ATAD2B: variants seen among roughly 807,000 people sequenced by gnomAD.
ATAD2B encodes ATPase family AAA domain containing 2B, also known as ATPase family AAA domain-containing protein 2B.
Under a neutral mutation model 167.6 loss-of-function variants are expected in ATAD2B, and 40 were observed. That is an observed-to-expected ratio of 0.24 (90% CI 0.19 to 0.31). The LOEUF is 0.31. ATAD2B is among the 10% of genes least tolerant of loss of function. The probability of loss-of-function intolerance (pLI) is 1.00; values close to 1 mark genes in which losing one functional copy is unlikely to be tolerated. For synonymous variants in ATAD2B, 579 were observed against 596.5 expected, an observed-to-expected ratio of 0.97 and a Z score of 0.43; for missense variants, 1,242 against 1,757.2, an observed-to-expected ratio of 0.71 and a Z score of 5.24.
chr2:23,785,824 A>G, intron 21 of ATAD2B: 1 of 475,560 alleles, frequency 2.1e-6, no homozygotes, highest in East Asian at 3.3e-5. Context: ...TTAAGAGGCC[A>G]ATATAAATTG....
At chr2:23,779,744 A>G (rs1436737457) in intron 22 of ATAD2B, among the ~76,000 whole-genome samples, 2 of 152,196 alleles carry the variant, frequency 1.3e-5, no homozygotes, top group Non-Finnish European at 2.9e-5. Context: ...TTGGAGAAAT[A>G]TATTAATTAA....
At chr2:23,774,795 G>A (rs1678830268) in intron 22 of ATAD2B, among the ~76,000 whole-genome samples, 1 of 152,202 alleles carries the variant, frequency 6.6e-6, no homozygotes. Flanking sequence ...AGCTACTCAG[G>A]AGGCTGAGGC....
At position 23,749,622 on chromosome 2, in the gene ATAD2B, G is replaced by A. The variant is rs1675141104; in HGVS notation, c.*2424C>T. On this transcript the variant is annotated 3_prime_UTR_variant, in exon 28 of 28. Coordinates refer to ENST00000238789, the MANE Select transcript of ATAD2B (RefSeq NM_017552.4). ...ATTTCAGCTCATTGTTCTCCCCTTG[G>A]CATTAGATTGACTTTCTCTTTAAGA... is the stretch of plus-strand genomic sequence containing the variant. The A allele has an allele frequency of 6.6e-6, 1 of 151,890 alleles. No individual in the cohort carries two copies. The highest frequency in any genetic ancestry group is 1.5e-5 in the Non-Finnish European group (1 of 67,950). The allele number at this position is 151,890 out of a possible 1,614,324, so 9.4% of individuals were successfully genotyped here. A position where few individuals can be genotyped will look rare whatever the true frequency, so the allele number is the denominator to read the frequency against.
the ATAD2B span, chr2:23,696,152 G>A: frequency 1.2e-4 from 181 of 1,547,514 alleles, 2 homozygotes; most frequent in Non-Finnish European, 3.5e-6. The surrounding 1 kb of genome is among the most constrained non-coding windows in gnomAD (Gnocchi z 5.5). Flanking sequence ...CCCCGGGGTT[G>A]GGGCGGGACC....
chr2:23,869,838 T>A, intron 8 of ATAD2B, 77 bp from the exon 9 acceptor site: 1 of 887,484 alleles, frequency 1.1e-6, no homozygotes, highest in Non-Finnish European at 1.7e-6. Flanking sequence ...ATATCTACAA[T>A]TAGCTCAGAG....
chr2:23,821,457 T>C (rs545416081), intron 16 of ATAD2B, among the ~76,000 whole-genome samples: 22 of 152,296 alleles, frequency 1.4e-4, no homozygotes, highest in African/African-American at 4.8e-4. Context: ...TTCAGTAAAA[T>C]ATTCATTCCC....
chr2:23,881,326 G>T (rs190982142), intron 6 of ATAD2B, among the ~76,000 whole-genome samples: 1 of 148,632 alleles, frequency 6.7e-6, no homozygotes, highest in Non-Finnish European at 1.5e-5. Context: ...TAGGGTATTG[G>T]TAATAGTTTA....
chr2:23,871,791 C>A (rs1386746188), intron 8 of ATAD2B, among the ~76,000 whole-genome samples: 1 of 152,106 alleles, frequency 6.6e-6, no homozygotes, highest in African/African-American at 2.4e-5. Flanking sequence ...ATCCTTAACC[C>A]ACCTCCTACT....
At position 23,814,189 on chromosome 2, in the gene ATAD2B, C is replaced by T. The variant is rs1314647919; in HGVS notation, c.2268-3687G>A. The stretch of plus-strand genomic sequence containing the variant: ...ATAAAGAGTTTATATGCATAGTTTT[C>T]AAAAACCTCCATGGGCAAAGGACGT... On this transcript the variant is annotated intron_variant, in intron 17 of 27. Coordinates refer to ENST00000238789, the MANE Select transcript of ATAD2B (RefSeq NM_017552.4). 2.0e-4 allele frequency among the ~76,000 whole-genome samples: 31 copies of T among 152,058 alleles called. 1 individual carries two copies. Among genetic ancestry groups the T allele is most frequent in the Admixed American group, 2.0e-3 (31 of 15,258 alleles).
chr2:23,861,329 G>A (rs899664983), intron 12 of ATAD2B, among the ~76,000 whole-genome samples: 1 of 151,194 alleles, frequency 6.6e-6, no homozygotes, highest in African/African-American at 2.4e-5. Context: ...TAAATGTTTT[G>A]ATTTACTTAA....
chr2:23,747,968 C>T (rs1674987620), downstream of ATAD2B, among the ~76,000 whole-genome samples: 1 of 152,040 alleles, frequency 6.6e-6, no homozygotes, highest in African/African-American at 2.4e-5. Context: ...AAATTATAAG[C>T]TTTTTATCTA....
At chr2:23,714,925 T>C in the ATAD2B span, among the ~76,000 whole-genome samples, 5 of 152,264 alleles carry the variant, frequency 3.3e-5, no homozygotes, top group African/African-American at 7.2e-5. Flanking sequence ...TTCTCTGAAG[T>C]TGATAAAATC....
chr2:23,921,147 A>G, intron 1 of ATAD2B, among the ~76,000 whole-genome samples: 1 of 134,174 alleles, frequency 7.5e-6, no homozygotes, highest in Admixed American at 8.5e-5. Context: ...CGGAGGTTGC[A>G]GTAAGCTAAG....
Position 23,921,205 on chromosome 2 carries a change from C to CAAAAAA in ATAD2B, c.216+5344_216+5349dup, listed in dbSNP as rs61004964. On this transcript the variant is annotated intron_variant, in intron 1 of 27. Transcript: ENST00000238789. ...TGAGCTACAGAGTAAGACTCCATCTCAAAAAAAAAAAAAAAAAAAAAAAAA... is the reference window on the plus strand; with the variant it reads ...TGAGCTACAGAGTAAGACTCCATCTCAAAAAAAAAAAAAAAAAAAAAAAAAAAAAAA... 2.0e-3 allele frequency among the ~76,000 whole-genome samples: 65 copies of CAAAAAA among 31,972 alleles called. 1 individual carries two copies. The highest frequency in any genetic ancestry group is 3.2e-3 in the African/African-American group (25 of 7,880). 21.0% of individuals were successfully genotyped at this position (31,972 alleles called of 152,430 possible).
chr2:23,907,079 ACCACTC>A (rs1701613567), intron 1 of ATAD2B, among the ~76,000 whole-genome samples: 1 of 151,262 alleles, frequency 6.6e-6, no homozygotes, highest in African/African-American at 2.4e-5. Flanking sequence ...GCCCTCTCTC[ACCACTC>A]CTATTCAACA....
chr2:23,882,046 A>ATAATG (rs1343242024), intron 6 of ATAD2B, among the ~76,000 whole-genome samples: 1 of 151,846 alleles, frequency 6.6e-6, no homozygotes, highest in Non-Finnish European at 1.5e-5. Context: ...GGCAATAGCT[A>ATAATG]TAACATCTAA....
chr2:23,749,023 A>C lies in ATAD2B; in HGVS notation c.*3023T>G, dbSNP rs1449583101. On this transcript the variant is annotated 3_prime_UTR_variant, in exon 28 of 28. Coordinates refer to ENST00000238789, the MANE Select transcript of ATAD2B (RefSeq NM_017552.4). ...AATAACAATGGCATTCAGCTACGGG[A>C]CCTGACACTGAAGATACCTACTGAA... The C allele has an allele frequency of 1.3e-5, 2 of 152,140 alleles. No individual in the cohort carries two copies. The highest frequency in any genetic ancestry group is 2.9e-5 in the Non-Finnish European group (2 of 68,020). 9.4% of individuals were successfully genotyped at this position (152,140 alleles called of 1,614,324 possible).
At chr2:23,744,195 G>C (rs1674674816), downstream of ATAD2B, among the ~76,000 whole-genome samples, 1 of 151,602 alleles carries the variant, frequency 6.6e-6, no homozygotes, top group Non-Finnish European at 1.5e-5. Flanking sequence ...ACTAAAACTG[G>C]AAAATAAAAA....
intron 13 of ATAD2B, chr2:23,856,397 G>T (rs757020164): frequency 5.6e-6 from 2 of 354,132 alleles, no homozygotes; most frequent in South Asian, 4.2e-5. Flanking sequence ...CAGATTTTTG[G>T]ATTTGGGATG....
Sources: gnomAD v4.1 joint callset for allele counts (sites outside exome capture counted in the v4.1 genomes callset) on GRCh38, gnomAD v4.1.1 for gene constraint, Gnocchi (gnomAD v3.1) non-coding constraint, MANE v1.5 for transcripts, NCBI Gene and HGNC (gene_info 2026-07-23, HGNC 2026-07-21) for gene names.